ADGB: variants seen among roughly 807,000 people sequenced by gnomAD.
ADGB encodes androglobin.
ADGB carries 172 observed loss-of-function variants against 210.5 expected under a neutral mutation model. That is an observed-to-expected ratio of 0.82 (90% CI 0.72 to 0.93). The LOEUF (loss-of-function observed/expected upper bound fraction) is 0.93, where lower values mean the gene tolerates loss of function less well. Ranked by LOEUF, ADGB falls within the 40% of genes least tolerant of loss-of-function variation. The pLI, the probability that ADGB is intolerant of heterozygous loss-of-function variation, is 0.00. For synonymous variants in ADGB, 658 were observed against 662.7 expected (o/e 0.99, Z 0.11); for missense variants, 2,025 against 1,964.8 (o/e 1.03, Z -0.58).
intron 32 of ADGB, among the ~76,000 whole-genome samples, chr6:146,786,129 A>C (rs752562914): frequency 2.8e-5 from 4 of 142,342 alleles, no homozygotes; most frequent in Non-Finnish European, 4.5e-5. Flanking sequence ...TATATATTTT[A>C]AGTATATATT....
At chr6:146,673,490 A>G (rs575611484) in intron 8 of ADGB, among the ~76,000 whole-genome samples, 31 of 152,228 alleles carry the variant, frequency 2.0e-4, no homozygotes, top group Non-Finnish European at 2.9e-4. Context: ...TGTAATTAAG[A>G]TCTTTCTTTT....
intron 1 of ADGB, among the ~76,000 whole-genome samples, chr6:146,628,413 A>T (rs2114851179): frequency 6.6e-6 from 1 of 152,170 alleles, no homozygotes; most frequent in African/African-American, 2.4e-5. Flanking sequence ...AAACACCAGT[A>T]AATATTAAAT....
At chr6:146,794,698 C>G (rs979627148) in intron 33 of ADGB, among the ~76,000 whole-genome samples, 3 of 151,800 alleles carry the variant, frequency 2.0e-5, no homozygotes, top group African/African-American at 4.8e-5. Flanking sequence ...CCAAAAAAAG[C>G]AAGAAGCAAC....
intron 27 of ADGB, among the ~76,000 whole-genome samples, chr6:146,763,519 A>T (rs1313194987): frequency 2.6e-5 from 4 of 152,202 alleles, no homozygotes; most frequent in African/African-American, 9.6e-5. Context: ...TAATTAGAAA[A>T]TAATTAAAAA....
chr6:146,715,467 GGGGC>G, intron 14 of ADGB, 52 bp downstream of exon 14: 1 of 1,293,134 alleles, frequency 7.7e-7, no homozygotes, highest in Non-Finnish European at 1.0e-6. Flanking sequence ...AAGATACAGA[GGGGC>G]ATCTCTGCTT....
chr6:146,733,460 G>T (rs3761784), intron 21 of ADGB, among the ~76,000 whole-genome samples: 64,523 of 151,810 alleles, frequency 0.43, 13,940 homozygotes, highest in East Asian at 0.62. Flanking sequence ...TTCTAGGGGA[G>T]TGTCTTACAG....
intron 1 of ADGB, among the ~76,000 whole-genome samples, chr6:146,604,582 T>C (rs1780606420): frequency 6.6e-6 from 1 of 151,836 alleles, no homozygotes; most frequent in South Asian, 2.1e-4. Flanking sequence ...AAAAAAAAGA[T>C]CAACTTCAGT....
At chr6:146,782,262 C>A in intron 30 of ADGB, 70 bp downstream of exon 30, 1 of 1,362,254 alleles carries the variant, frequency 7.3e-7, no homozygotes, top group Non-Finnish European at 9.7e-7. Context: ...ATTTGCCTAT[C>A]TCGTCTGAGG....
chr6:146,757,962 C>A (rs1777433376), intron 27 of ADGB, among the ~76,000 whole-genome samples: 1 of 151,988 alleles, frequency 6.6e-6, no homozygotes, highest in South Asian at 2.1e-4. Context: ...GGCACAAGTG[C>A]AGTGTTTAAG....
At chr6:146,739,264 C>T (rs1777128196) in intron 23 of ADGB, among the ~76,000 whole-genome samples, 1 of 152,178 alleles carries the variant, frequency 6.6e-6, no homozygotes, top group South Asian at 2.1e-4. Flanking sequence ...GGGTGTCATG[C>T]ATTGACAGAC....
chr6:146,794,606 C>T (rs1189130884), intron 33 of ADGB, among the ~76,000 whole-genome samples: 2 of 151,906 alleles, frequency 1.3e-5, no homozygotes, highest in African/African-American at 4.8e-5. Flanking sequence ...ATTACAACCA[C>T]ATTTACATGC....
chr6:146,728,448 C>A, intron 19 of ADGB, 126 bp from the exon 20 acceptor site: 2 of 1,018,740 alleles, frequency 2.0e-6, no homozygotes, highest in Non-Finnish European at 2.7e-6. Flanking sequence ...ACCTTGATAT[C>A]AAATCCTCTA....
At chr6:146,778,431 C>T (rs1433786865) in intron 29 of ADGB, among the ~76,000 whole-genome samples, 1 of 152,122 alleles carries the variant, frequency 6.6e-6, no homozygotes, top group Non-Finnish European at 1.5e-5. Flanking sequence ...CCTCTGTGGC[C>T]TTTCCTACTT....
chr6:146,605,592 CTAAACCA>C (rs1780619812), intron 1 of ADGB, among the ~76,000 whole-genome samples: 1 of 152,044 alleles, frequency 6.6e-6, no homozygotes. Flanking sequence ...AGTGCAGGAG[CTAAACCA>C]TAAACTCCCT....
chr6:146,681,352 C>T, intron 9 of ADGB, among the ~76,000 whole-genome samples: 1 of 152,102 alleles, frequency 6.6e-6, no homozygotes, highest in Non-Finnish European at 1.5e-5. Context: ...AGTAAAAGCC[C>T]CCTGAGGCCT....
intron 9 of ADGB, among the ~76,000 whole-genome samples, chr6:146,684,196 C>T (rs1776192831): frequency 6.6e-6 from 1 of 152,050 alleles, no homozygotes; most frequent in Non-Finnish European, 1.5e-5. Context: ...TGTAGACAGC[C>T]AACTGCTTAA....
chr6:146,617,473 T>C lies in ADGB; in HGVS notation c.75-17902T>C, dbSNP rs150177895. Among the ~76,000 whole-genome samples, 901 of 152,200 alleles carry C rather than the reference T, an allele frequency of 5.9e-3. 14 individuals carry two copies. The highest frequency in any genetic ancestry group is 0.021 in the African/African-American group (855 of 41,548). On this transcript the variant is annotated intron_variant, in intron 1 of 35. Transcript: ENST00000397944. ...GGTTTGGCTAGGACTTCCCATACAA[T>C]GTTGAATGAAAGCGGTAAAAGTGGG...
intron 3 of ADGB, 33 bp from the exon 4 acceptor site, chr6:146,654,102 A>C: frequency 8.0e-7 from 1 of 1,251,848 alleles, no homozygotes; most frequent in Non-Finnish European, 1.1e-6. Flanking sequence ...TATTTTTCTT[A>C]TGGAGTAATA....
chr6:146,698,583 G>A (rs958165935), intron 12 of ADGB, among the ~76,000 whole-genome samples: 6 of 152,138 alleles, frequency 3.9e-5, no homozygotes, highest in African/African-American at 1.4e-4. Context: ...TGGGTAGGGA[G>A]GGAGCACTGC....
Sources: allele counts gnomAD v4.1 joint callset (sites outside exome capture counted in the v4.1 genomes callset), GRCh38; gene constraint gnomAD v4.1.1; transcripts MANE v1.5; gene names NCBI Gene and HGNC (gene_info 2026-07-23, HGNC 2026-07-21).